MSH6: variants seen among roughly 807,000 people sequenced by gnomAD.
MSH6 encodes the protein DNA mismatch repair protein Msh6.
In MSH6, 85 loss-of-function variants were observed where a neutral mutation model predicts 119.1. The ratio of observed to expected loss-of-function variants is 0.71; its 90% CI spans 0.60 to 0.85. The LOEUF (loss-of-function observed/expected upper bound fraction) is 0.85, where lower values mean the gene tolerates loss of function less well. Among genes scored for constraint, MSH6 ranks in the 40% least tolerant of loss-of-function variants. The pLI is 0.00. For synonymous variants in MSH6, 830 were observed against 586.9 expected, an observed-to-expected ratio of 1.41 and a Z score of -5.99; for missense variants, 2,163 against 1,655.3, an observed-to-expected ratio of 1.31 and a Z score of -5.32.
chr2:47,808,370 C>T, downstream of MSH6: 1 of 1,612,164 alleles, frequency 6.2e-7, no homozygotes, highest in Non-Finnish European at 8.5e-7. Context: ...CCTGATGGCA[C>T]TTCTTAATGC....
intron 5 of MSH6, among the ~76,000 whole-genome samples, chr2:47,803,934 G>T (rs981346496): frequency 2.0e-5 from 3 of 152,176 alleles, no homozygotes; most frequent in African/African-American, 7.2e-5. Flanking sequence ...GAGGCCCTTT[G>T]ACTTGAATTC....
In MSH6 at chr2:47,791,007, C is replaced by A. The variant is rs863224626; in HGVS notation, c.341C>A (p.Pro114His). ...TGGCCTTGTCTGGTTTACAACCACC[C>A]CTTTGATGGAACATTCATCCGCGAG... ...PWWPCLVYNH[P>H]FDGTFIREKG... is the part of the protein sequence containing the mutation. The change falls in exon 2 of 10, where the codon CCC becomes CAC. Residue 114 changes from proline (P) to histidine (H), a missense_variant. By Grantham distance (77) the Pro-to-His change is moderately conservative (BLOSUM62 -2). Coordinates refer to ENST00000234420, the MANE Select transcript of MSH6 (RefSeq NM_000179.3). 1 of 1,614,174 alleles carries A rather than the reference C, an allele frequency of 6.2e-7. No homozygotes were observed. The highest frequency in any genetic ancestry group is 2.2e-5 in the East Asian group (1 of 44,882).
At chr2:47,807,082 T>C, downstream of MSH6, 1 of 538,528 alleles carries the variant, frequency 1.9e-6, no homozygotes, top group South Asian at 2.3e-5. Flanking sequence ...ACTTTCAGGC[T>C]GTTTTATACC....
Position 47,806,456 on chromosome 2 carries a change from G to C in MSH6, c.3806G>C (p.Cys1269Ser), listed in dbSNP as rs876658276. 9.3e-6 allele frequency: 15 copies of C among 1,613,894 alleles called. No individual in the cohort carries two copies. The highest frequency in any genetic ancestry group is 1.3e-5 in the Non-Finnish European group (15 of 1,179,992). The part of the protein sequence containing the change: ...NVAVRLGHMA[C>S]MVENECEDPS... ...CTAATATTTTTCTTTCTTAAGGCAT[G>C]CATGGTAGAAAATGAATGTGAAGAC... The change falls in exon 9 of 10, where the codon TGC becomes TCC. Residue 1269 changes from cysteine (C) to serine (S), a missense_variant. By Grantham distance (112) the Cys-to-Ser change is moderately radical. Transcript: ENST00000234420.
intron 1 of MSH6, chr2:47,784,011 G>T (rs921190566): frequency 1.7e-5 from 17 of 1,025,934 alleles, no homozygotes; most frequent in Admixed American, 1.2e-4. Context: ...GAGATAGTGA[G>T]TTGGGGCTCC....
chr2:47,787,593 A>G (rs1328044711), intron 1 of MSH6, among the ~76,000 whole-genome samples: 5 of 152,066 alleles, frequency 3.3e-5, no homozygotes, highest in Non-Finnish European at 7.4e-5. Context: ...AAAATCCTAA[A>G]ATCATAATTT....
intron 1 of MSH6, among the ~76,000 whole-genome samples, chr2:47,788,298 A>G (rs1572704590): frequency 8.4e-6 from 1 of 118,474 alleles, no homozygotes; most frequent in South Asian, 2.6e-4. Flanking sequence ...CCTGTCACCC[A>G]GGCTGGAGTG....
rs767210715 is a variant in MSH6, at chr2:47,805,033, T to G, written c.3556+6T>G. On this transcript the variant is annotated splice_donor_region_variant and intron_variant, in intron 6 of 9. Coordinates refer to ENST00000234420, the MANE Select transcript of MSH6 (RefSeq NM_000179.3). ...CTCAGACAGAATAATGTCAGGTGAG[T>G]TTTTTGTTTCCCACTTAAGTTCTCA... 2 of 1,595,326 alleles carry G rather than the reference T, an allele frequency of 1.3e-6. No homozygotes were observed. The highest frequency in any genetic ancestry group is 4.5e-5 in the East Asian group (2 of 44,800).
rs587781593 is a variant in MSH6 at position 47,801,009 on chromosome 2, A to C, written c.3026A>C (p.Lys1009Thr). The C allele has an allele frequency of 1.9e-6, 3 of 1,570,624 alleles. No individual in the cohort carries two copies. The highest frequency in any genetic ancestry group is 1.9e-5 in the Admixed American group (1 of 53,296). Residue 1009 changes from lysine to threonine, a missense_variant, in exon 4 of 10, where the codon AAA (lysine) becomes ACA (threonine). Lys to Thr is a moderately conservative substitution (Grantham distance 78). Transcript: ENST00000234420. ...TKKGCKRYWTKTIEKKLANLI... is the reference protein window; with the variant it reads ...TKKGCKRYWTTTIEKKLANLI... The stretch of plus-strand genomic sequence containing the variant: ...AAGGGCTGTAAACGATACTGGACCA[A>C]AACTATTGAAAAGAAGTTGGCTAAT...
At chr2:47,788,857 C>A (rs962634699) in intron 1 of MSH6, among the ~76,000 whole-genome samples, 1 of 145,868 alleles carries the variant, frequency 6.9e-6, no homozygotes, top group Non-Finnish European at 1.5e-5. Flanking sequence ...TAGGAGTGAG[C>A]CACTGCGCCC....
intron 1 of MSH6, among the ~76,000 whole-genome samples, chr2:47,788,485 C>G (rs1668483104): frequency 6.7e-6 from 1 of 150,000 alleles, no homozygotes; most frequent in Non-Finnish European, 1.5e-5. Flanking sequence ...GAACTCCTGA[C>G]CTCGTGATCA....
chr2:47,805,566 T>G, intron 6 of MSH6, 52 bp from the exon 7 acceptor site: 1 of 1,164,382 alleles, frequency 8.6e-7, no homozygotes, highest in Admixed American at 1.7e-5. Context: ...GATGAATTTA[T>G]GTAATATGAT....
At chr2:47,807,625 G>C (rs147067367), downstream of MSH6, 20 of 221,660 alleles carry the variant, frequency 9.0e-5, no homozygotes, top group African/African-American at 4.3e-4. Flanking sequence ...AACTACATGA[G>C]ATTAAAGCAT....
chr2:47,798,935 G>C lies in MSH6; in HGVS notation c.952G>C (p.Glu318Gln), dbSNP rs1114167763. 1.2e-6 allele frequency: 2 copies of C among 1,614,154 alleles called. No homozygotes were observed. The highest frequency in any genetic ancestry group is 2.2e-5 in the South Asian group (2 of 91,080). Reference protein sequence around the residue: ...GSLKRKSSRKETPSATKQATS... With the variant: ...GSLKRKSSRKQTPSATKQATS... ...TCTTAAAAGGAAAAGCTCTAGGAAGGAAACGCCCTCAGCCACCAAACAAGC... is the reference window on the plus strand; with the variant it reads ...TCTTAAAAGGAAAAGCTCTAGGAAGCAAACGCCCTCAGCCACCAAACAAGC... The change falls in exon 4 of 10, where the codon GAA (glutamate) becomes CAA (glutamine). Residue 318 changes from glutamate (E) to glutamine (Q), a missense_variant. Physicochemically the swap from Glu to Gln is conservative, Grantham distance 29. Coordinates refer to ENST00000234420, the MANE Select transcript of MSH6 (RefSeq NM_000179.3).
At chr2:47,802,975 G>T (rs759973405) in intron 4 of MSH6, among the ~76,000 whole-genome samples, 2 of 151,982 alleles carry the variant, frequency 1.3e-5, no homozygotes, top group African/African-American at 4.8e-5. Context: ...GCATTGGTGC[G>T]ATCTTGGCTC....
intron 3 of MSH6, chr2:47,798,176 G>A: frequency 5.7e-6 from 1 of 173,984 alleles, no homozygotes; most frequent in Admixed American, 5.8e-5. Context: ...TGAAGTTGAT[G>A]TTCATTGAGA....
chr2:47,792,773 TC>T (rs1177718134), intron 2 of MSH6, among the ~76,000 whole-genome samples: 1 of 151,460 alleles, frequency 6.6e-6, no homozygotes, highest in African/African-American at 2.4e-5. Context: ...CTCAAGTGAT[TC>T]CCCCCTGTTT....
chr2:47,806,069 A>T, intron 7 of MSH6, 135 bp from the exon 8 acceptor site: 5 of 850,402 alleles, frequency 5.9e-6, no homozygotes, highest in Non-Finnish European at 7.8e-6. Flanking sequence ...TAGCTAAACA[A>T]GGCCTATTTA....
rs1303751317 is a variant in MSH6, at chr2:47,783,158, G to C, written c.-76G>C. On this transcript the variant is annotated 5_prime_UTR_variant, in exon 1 of 10. Transcript: ENST00000234420. ...GCGCCTCCCCCCAGATTTCCCGCCA[G>C]CAGGAGCCGCGCGGTAGATGCGGTG... 3.2e-6 allele frequency: 5 copies of C among 1,586,750 alleles called. No individual in the cohort carries two copies. Among genetic ancestry groups the C allele is most frequent in the East Asian group, 4.7e-5 (2 of 42,142 alleles).
Sources: allele counts gnomAD v4.1 joint callset (sites outside exome capture counted in the v4.1 genomes callset), GRCh38; gene constraint gnomAD v4.1.1; transcripts MANE v1.5; gene names NCBI Gene and HGNC (gene_info 2026-07-23, HGNC 2026-07-21).